The following LETM1 variants were observed in gnomAD, a reference collection of about 807,000 sequenced individuals.
LETM1 encodes the protein leucine zipper and EF-hand containing transmembrane protein 1.
In LETM1, 50 loss-of-function variants were observed where a neutral mutation model predicts 74.5. The observed-to-expected ratio is 0.67, with a 90% CI of 0.53 to 0.85. The LOEUF (loss-of-function observed/expected upper bound fraction) is 0.85, where lower values mean the gene tolerates loss of function less well. Among genes scored for constraint, LETM1 ranks in the 40% least tolerant of loss-of-function variants. The pLI is 0.00. For synonymous variants in LETM1, 446 were observed against 407.1 expected (o/e 1.10, Z -1.15); for missense variants, 824 against 967.8 (o/e 0.85, Z 1.97).
At chr4:1,848,487 G>A (rs2108856048) in intron 2 of LETM1, among the ~76,000 whole-genome samples, 1 of 151,140 alleles carries the variant, frequency 6.6e-6, no homozygotes, top group East Asian at 2.0e-4. Context: ...GGTGGATCTT[G>A]CAGTGAGCTG....
At chr4:1,831,010 G>T (rs1263495715) in intron 6 of LETM1, among the ~76,000 whole-genome samples, 2 of 152,136 alleles carry the variant, frequency 1.3e-5, no homozygotes, top group Non-Finnish European at 2.9e-5. Flanking sequence ...ACTTCCCTAT[G>T]GTCCAGCTTT....
chr4:1,827,035 A>C (rs945867271), intron 6 of LETM1, among the ~76,000 whole-genome samples: 1 of 152,200 alleles, frequency 6.6e-6, no homozygotes, highest in Non-Finnish European at 1.5e-5. Context: ...CGCTCACTGC[A>C]GAAGGCGCAG....
intron 9 of LETM1, 170 bp downstream of exon 9, chr4:1,822,818 G>GC (rs1206832725): frequency 1.9e-6 from 1 of 537,956 alleles, no homozygotes; most frequent in East Asian, 3.5e-5. Context: ...CAGAGTTGCA[G>GC]CCCTCACACC....
At position 1,812,689 on chromosome 4, in the gene LETM1, G is replaced by A. The variant is rs1454959150; in HGVS notation, c.*1735C>T. The A allele has an allele frequency of 6.6e-6, 1 of 152,098 alleles. No homozygotes were observed. Among genetic ancestry groups the A allele is most frequent in the African/African-American group, 2.4e-5 (1 of 41,184 alleles). 9.4% of individuals were successfully genotyped at this position (152,098 alleles called of 1,614,324 possible). A position where few individuals can be genotyped will look rare whatever the true frequency, so the allele number is the denominator to read the frequency against. On this transcript the variant is annotated 3_prime_UTR_variant, in exon 14 of 14. Coordinates refer to ENST00000302787, the MANE Select transcript of LETM1 (RefSeq NM_012318.3). ...AGAATGACGAGGGAGAATGACGAGG[G>A]AGCAAGCCTGCATCAGAGCACGGCT...
chr4:1,823,898 T>C (rs1711888545), intron 7 of LETM1, 123 bp from the exon 8 acceptor site: 1 of 1,155,590 alleles, frequency 8.7e-7, no homozygotes, highest in East Asian at 2.5e-5. Flanking sequence ...TTCTACAAGG[T>C]CTGTTTGTTG....
chr4:1,827,436 C>A (rs1577315329), intron 6 of LETM1, among the ~76,000 whole-genome samples: 1 of 117,484 alleles, frequency 8.5e-6, no homozygotes, highest in East Asian at 2.3e-4. Context: ...GACCCTGCGG[C>A]CTTCCGCAGT....
chr4:1,828,694 A>C (rs1271892496), intron 6 of LETM1, among the ~76,000 whole-genome samples: 293 of 48,610 alleles, frequency 6.0e-3, no homozygotes, highest in Middle Eastern at 0.019. Flanking sequence ...CTGACCCCCC[A>C]ACCTCCCTCC....
rs1056788236 is a variant in LETM1, at chr4:1,853,137, C to T, written c.82+2732G>A. 3.3e-5 allele frequency among the ~76,000 whole-genome samples: 5 copies of T among 152,320 alleles called. No homozygotes were observed. In the East Asian group the frequency reaches 9.6e-4, roughly 29 times the overall value. ...TCCTCATTCTGCTCCTCCCCAAGTC[C>T]TCCCCAGTTTCAACAAATGGCACTG... is the stretch of plus-strand genomic sequence containing the variant. On this transcript the variant is annotated intron_variant, in intron 1 of 13. Coordinates refer to ENST00000302787, the MANE Select transcript of LETM1 (RefSeq NM_012318.3).
intron 11 of LETM1, among the ~76,000 whole-genome samples, chr4:1,817,245 C>CAAAAAAAAAAAAAAAAAAAAAAAAAAA (rs60805612): frequency 1.5e-5 from 1 of 66,070 alleles, no homozygotes; most frequent in Non-Finnish European, 2.7e-5. Flanking sequence ...ACTCTGTCTC[C>CAAAAAAAAAAAAAAAAAAAAAAAAAAA]AAAAAAAAAA....
chr4:1,824,447 G>A (rs1007479162), intron 7 of LETM1, among the ~76,000 whole-genome samples: 2 of 152,220 alleles, frequency 1.3e-5, no homozygotes, highest in Non-Finnish European at 2.9e-5. Context: ...GGCTGCTTGA[G>A]TAACACCAAG....
chr4:1,853,748 G>A (rs150362551), intron 1 of LETM1, among the ~76,000 whole-genome samples: 383 of 152,244 alleles, frequency 2.5e-3, no homozygotes, highest in Middle Eastern at 0.02. Flanking sequence ...CTGTGACAAC[G>A]AACCCTACTC....
intron 2 of LETM1, among the ~76,000 whole-genome samples, chr4:1,844,909 A>C (rs1296257140): frequency 6.8e-6 from 1 of 146,858 alleles, no homozygotes; most frequent in Non-Finnish European, 1.5e-5. Context: ...AAAAAAAAAA[A>C]GGCCAGGCAC....
chr4:1,835,716 C>T (rs1338927979), intron 4 of LETM1, among the ~76,000 whole-genome samples: 3 of 152,232 alleles, frequency 2.0e-5, no homozygotes, highest in Non-Finnish European at 4.4e-5. Flanking sequence ...GCTGACCCTG[C>T]CCTAGAAGGA....
chr4:1,849,013 A>C, intron 2 of LETM1, 136 bp downstream of exon 2: 1 of 665,386 alleles, frequency 1.5e-6, no homozygotes, highest in Non-Finnish European at 2.8e-6. Flanking sequence ...TGGAAAGATA[A>C]AGGTTTAAAA....
intron 10 of LETM1, among the ~76,000 whole-genome samples, chr4:1,821,965 C>T (rs1323176677): frequency 6.6e-6 from 1 of 152,194 alleles, no homozygotes; most frequent in Non-Finnish European, 1.5e-5. Context: ...TGCTGTGCAC[C>T]CAGGCACAGT....
intron 1 of LETM1, among the ~76,000 whole-genome samples, chr4:1,851,459 G>A (rs1355548535): frequency 2.0e-5 from 3 of 152,180 alleles, no homozygotes; most frequent in African/African-American, 7.2e-5. Flanking sequence ...TTTAACAGGA[G>A]GCAACTCTCC....
At chr4:1,844,722 T>A (rs2108853782) in intron 2 of LETM1, among the ~76,000 whole-genome samples, 1 of 151,164 alleles carries the variant, frequency 6.6e-6, no homozygotes, top group Middle Eastern at 3.4e-3. Flanking sequence ...CACTCCAGCC[T>A]AGGTGACAGA....
chr4:1,827,764 C>T (rs1273958982), intron 6 of LETM1, among the ~76,000 whole-genome samples: 2 of 149,098 alleles, frequency 1.3e-5, no homozygotes, highest in South Asian at 2.1e-4. Flanking sequence ...TCCACAAAGC[C>T]GCCATTGTCA....
chr4:1,823,269 G>A (rs187215711), intron 8 of LETM1, 138 bp from the exon 9 acceptor site: 51 of 1,206,452 alleles, frequency 4.2e-5, no homozygotes, highest in South Asian at 1.2e-4. Flanking sequence ...AGGCACTGCC[G>A]AGGTGCTGCC....
Sources: allele counts gnomAD v4.1 joint callset (sites outside exome capture counted in the v4.1 genomes callset), GRCh38; gene constraint gnomAD v4.1.1; transcripts MANE v1.5; gene names NCBI Gene and HGNC (gene_info 2026-07-23, HGNC 2026-07-21).